The following UBE2E3 variants were observed in gnomAD, a reference collection of about 807,000 sequenced individuals.
UBE2E3 encodes ubiquitin-conjugating enzyme E2 E3.
Under a neutral mutation model 23.6 loss-of-function variants are expected in UBE2E3, and 5 were observed. That is an observed-to-expected ratio of 0.21 (90% CI 0.11 to 0.44). UBE2E3 has a LOEUF of 0.44. UBE2E3 is among the 20% of genes least tolerant of loss of function. The pLI, the probability that UBE2E3 is intolerant of heterozygous loss-of-function variation, is 0.99. For missense variants in UBE2E3, 81 were observed against 249.8 expected (o/e 0.32, Z 4.55); for synonymous variants, 78 against 87.5 (o/e 0.89, Z 0.60).
intron 5 of UBE2E3, among the ~76,000 whole-genome samples, chr2:181,061,673 T>G (rs1687156604): frequency 6.6e-6 from 1 of 151,660 alleles, no homozygotes; most frequent in Admixed American, 6.6e-5. Context: ...TTCATAACTT[T>G]AAAAAATGCC....
intron 3 of UBE2E3, among the ~76,000 whole-genome samples, chr2:181,031,805 G>A (rs927973214): frequency 1.4e-4 from 22 of 152,066 alleles, no homozygotes; most frequent in Admixed American, 1.2e-3. Context: ...AAAAGAAGTC[G>A]TAAGTTAATA....
At chr2:181,049,297 T>C (rs1686759120) in intron 3 of UBE2E3, among the ~76,000 whole-genome samples, 1 of 152,066 alleles carries the variant, frequency 6.6e-6, no homozygotes, top group Admixed American at 6.6e-5. Context: ...TAGATGTTGA[T>C]ATTTAATTTC....
intron 3 of UBE2E3, among the ~76,000 whole-genome samples, chr2:181,030,087 C>T (rs911057154): frequency 6.6e-6 from 1 of 152,142 alleles, no homozygotes; most frequent in East Asian, 1.9e-4. Context: ...CTGCTTCGGC[C>T]TCCCAAAGTG....
intron 3 of UBE2E3, among the ~76,000 whole-genome samples, chr2:181,047,880 T>C (rs948952025): frequency 1.3e-5 from 2 of 152,160 alleles, no homozygotes; most frequent in African/African-American, 4.8e-5. Context: ...TCTTTTAATA[T>C]AAAGACAAGT....
At chr2:181,043,920 C>T (rs984599428) in intron 3 of UBE2E3, among the ~76,000 whole-genome samples, 3 of 152,094 alleles carry the variant, frequency 2.0e-5, no homozygotes, top group Non-Finnish European at 4.4e-5. Flanking sequence ...ACCGTTATTT[C>T]GTTGGACATT....
At chr2:181,050,320 A>G (rs527639061) in intron 3 of UBE2E3, among the ~76,000 whole-genome samples, 7 of 151,948 alleles carry the variant, frequency 4.6e-5, no homozygotes, top group African/African-American at 1.7e-4. Flanking sequence ...TGAATTTTAT[A>G]TCATTTTGTT....
chr2:180,994,951 A>C (rs1306505984), intron 3 of UBE2E3, among the ~76,000 whole-genome samples: 3 of 152,166 alleles, frequency 2.0e-5, no homozygotes, highest in African/African-American at 7.2e-5. Context: ...GTAAATATTA[A>C]ATCGTAACTG....
At chr2:181,014,475 TTTTAATGA>T (rs1402539675) in intron 3 of UBE2E3, among the ~76,000 whole-genome samples, 1 of 152,160 alleles carries the variant, frequency 6.6e-6, no homozygotes, top group Non-Finnish European at 1.5e-5. Context: ...AAGAGTTAAC[TTTTAATGA>T]TTGATTAGGG....
In UBE2E3 at chr2:181,038,776, G is replaced by T. The variant is rs183852141; in HGVS notation, c.246-18917G>T. On this transcript the variant is annotated intron_variant, in intron 3 of 5. Transcript: ENST00000410062. ...ACAAACCAATTTAAAATGGACAAAA[G>T]ATTTGAATAGAGATGTTACTGATGA... Among the ~76,000 whole-genome samples the T allele has an allele frequency of 3.7e-4, 56 of 152,292 alleles. No homozygotes were observed. In the East Asian group the frequency reaches 9.4e-3, roughly 26 times the overall value.
intron 3 of UBE2E3, among the ~76,000 whole-genome samples, chr2:181,042,742 T>C (rs1686553936): frequency 6.6e-6 from 1 of 152,132 alleles, no homozygotes; most frequent in Non-Finnish European, 1.5e-5. Context: ...CATAATTGAG[T>C]CCCAGGCCAA....
At chr2:181,038,459 A>G (rs988594542) in intron 3 of UBE2E3, among the ~76,000 whole-genome samples, 3 of 152,248 alleles carry the variant, frequency 2.0e-5, no homozygotes, top group African/African-American at 7.2e-5. Context: ...ACACATGACC[A>G]TACAAAAATT....
intron 3 of UBE2E3, among the ~76,000 whole-genome samples, chr2:181,046,790 C>A (rs959012565): frequency 2.6e-5 from 4 of 152,112 alleles, no homozygotes; most frequent in Admixed American, 6.6e-5. Flanking sequence ...ATAGAAATTA[C>A]TCTGCCTACC....
chr2:181,026,343 ATG>A (rs1323532816), intron 3 of UBE2E3, among the ~76,000 whole-genome samples: 51 of 151,848 alleles, frequency 3.4e-4, no homozygotes, highest in Middle Eastern at 3.4e-3. Context: ...TCAGAAGATA[ATG>A]AATAAACCCT....
intron 3 of UBE2E3, among the ~76,000 whole-genome samples, chr2:181,012,318 G>C (rs995435537): frequency 3.3e-5 from 5 of 152,130 alleles, no homozygotes; most frequent in African/African-American, 1.2e-4. Context: ...TTATGCAGTT[G>C]ACAGGGTATT....
chr2:180,985,855 A>T (rs536526499), intron 3 of UBE2E3, among the ~76,000 whole-genome samples: 3 of 152,174 alleles, frequency 2.0e-5, no homozygotes, highest in Admixed American at 6.5e-5. Flanking sequence ...ATAAATCTAG[A>T]GAGCCTAGTA....
At chr2:180,982,287 T>TAAC in intron 2 of UBE2E3, 51 bp downstream of exon 2, 2 of 1,551,488 alleles carry the variant, frequency 1.3e-6, no homozygotes, top group South Asian at 2.4e-5. Context: ...GTCTTCCAGG[T>TAAC]GGTTGGACGC....
intron 3 of UBE2E3, among the ~76,000 whole-genome samples, chr2:181,041,526 C>T (rs1686504503): frequency 6.6e-6 from 1 of 151,784 alleles, no homozygotes; most frequent in Non-Finnish European, 1.5e-5. Flanking sequence ...GCAACCTCTG[C>T]CTCCCAGGTC....
At chr2:181,025,681 C>A (rs1486352399) in intron 3 of UBE2E3, among the ~76,000 whole-genome samples, 5 of 151,820 alleles carry the variant, frequency 3.3e-5, no homozygotes, top group African/African-American at 9.7e-5. Flanking sequence ...TGAATCATAT[C>A]ATTGGCTATT....
intron 3 of UBE2E3, among the ~76,000 whole-genome samples, chr2:181,046,554 T>C (rs1376926442): frequency 1.3e-5 from 2 of 152,100 alleles, no homozygotes; most frequent in Non-Finnish European, 2.9e-5. Flanking sequence ...CTGTCACATA[T>C]GGTTAAGTTG....
Sources: allele counts gnomAD v4.1 joint callset (sites outside exome capture counted in the v4.1 genomes callset), GRCh38; gene constraint gnomAD v4.1.1; transcripts MANE v1.5; gene names NCBI Gene and HGNC (gene_info 2026-07-23, HGNC 2026-07-21).